The following SYNE2 variants were observed in gnomAD, a reference collection of about 807,000 sequenced individuals.
SYNE2 encodes the protein nesprin-2.
SYNE2 carries 431 observed loss-of-function variants against 856.3 expected under a neutral mutation model. That is an observed-to-expected ratio of 0.50 (90% CI 0.47 to 0.55). The LOEUF is 0.55. SYNE2 is among the 20% of genes least tolerant of loss of function. The pLI, the probability that SYNE2 is intolerant of heterozygous loss-of-function variation, is 0.00. For missense variants in SYNE2, 8,129 were observed against 8,023.2 expected (o/e 1.01, Z -0.50); for synonymous variants, 2,923 against 2,872.3 (o/e 1.02, Z -0.56).
chr14:64,188,404 C>A, intron 97 of SYNE2, 146 bp from the exon 98 acceptor site: 1 of 806,300 alleles, frequency 1.2e-6, no homozygotes, highest in Non-Finnish European at 2.1e-6. Context: ...GATGCTAAAC[C>A]CTAGGTTTAG....
chr14:64,178,983 G>A (rs959947556), intron 96 of SYNE2, among the ~76,000 whole-genome samples: 3 of 152,010 alleles, frequency 2.0e-5, no homozygotes, highest in African/African-American at 7.3e-5. Context: ...AGGCTGAGGT[G>A]GGAGGATCCT....
rs2096028868 is a variant in SYNE2, at chr14:63,946,450, A to G, written c.409-3375A>G. ...CTCCAAAAAACATACACATACACATATATACTGGAGATATAGATATAGATA... is the reference window on the plus strand; with the variant it reads ...CTCCAAAAAACATACACATACACATGTATACTGGAGATATAGATATAGATA... On this transcript the variant is annotated intron_variant, in intron 6 of 115. Coordinates refer to ENST00000555002, the MANE Select transcript of SYNE2 (RefSeq NM_182914.3). Among the ~76,000 whole-genome samples, 3 of 151,296 alleles carry G rather than the reference A, an allele frequency of 2.0e-5. No individual in the cohort carries two copies. In the Admixed American group the frequency reaches 2.0e-4, roughly 10 times the overall value.
Position 64,216,322 on chromosome 14 carries a change from A to G in SYNE2, c.19477A>G (p.Met6493Val), listed in dbSNP as rs773858058. The stretch of plus-strand genomic sequence containing the variant: ...CTGTCCCGAGCATCACTACAAGCAA[A>G]TGGAAGGTGACAGGAATGTTCCACC... ...PSCPEHHYKQ[M>V]EGDRNVPPVP... The change falls in exon 108 of 116, where the codon ATG becomes GTG. Residue 6493 changes from methionine (M) to valine (V), a missense_variant. By Grantham distance (21) the Met-to-Val change is conservative (BLOSUM62 1). This residue lies in a region of SYNE2 where 5,410 missense variants were observed against 5,284.8 expected (regional missense o/e 1.02). Coordinates refer to ENST00000555002, the MANE Select transcript of SYNE2 (RefSeq NM_182914.3). The G allele has an allele frequency of 2.5e-6, 4 of 1,614,154 alleles. No individual in the cohort carries two copies. The South Asian group carries it at 4.4e-5, about 18-fold the overall frequency.
chr14:63,823,989 T>C (rs114084328), intron 1 of SYNE2, among the ~76,000 whole-genome samples: 1 of 152,158 alleles, frequency 6.6e-6, no homozygotes, highest in African/African-American at 2.4e-5. Context: ...TAAGACCTAC[T>C]ATTTGCTAGC....
intron 21 of SYNE2, among the ~76,000 whole-genome samples, chr14:63,993,220 T>A (rs1026585722): frequency 6.6e-6 from 1 of 152,028 alleles, no homozygotes; most frequent in Non-Finnish European, 1.5e-5. Flanking sequence ...ATAGTTAACC[T>A]TTCTATAAAT....
intron 1 of SYNE2, among the ~76,000 whole-genome samples, chr14:63,772,997 C>T (rs566393245): frequency 2.6e-5 from 4 of 151,816 alleles, no homozygotes; most frequent in Admixed American, 1.3e-4. Context: ...AGGCTGGTCT[C>T]GAACTCCTGA....
chr14:64,080,570 A>G lies in SYNE2; in HGVS notation c.11278A>G (p.Met3760Val), dbSNP rs1456639932. Residue 3760 changes from methionine to valine, a missense_variant, in exon 56 of 116, where the codon ATG (methionine) becomes GTG (valine). Coordinates refer to ENST00000555002, the MANE Select transcript of SYNE2 (RefSeq NM_182914.3). ...GGCTCAAGAATGGATGGATAACTTG[A>G]TGATTCCTTTCCAGCAGTATCAGCA... ...GQAQEWMDNL[M>V]IPFQQYQQVS... is the part of the protein sequence containing the mutation. 1 of 1,614,096 alleles carries G rather than the reference A, an allele frequency of 6.2e-7. No homozygotes were observed. Among genetic ancestry groups the G allele is most frequent in the Admixed American group, 1.7e-5 (1 of 60,004 alleles).
At chr14:63,971,493 C>A (rs918675971) in intron 11 of SYNE2, among the ~76,000 whole-genome samples, 1 of 151,838 alleles carries the variant, frequency 6.6e-6, no homozygotes, top group Non-Finnish European at 1.5e-5. Flanking sequence ...TGATCCATCT[C>A]CCATTATTTA....
intron 76 of SYNE2, among the ~76,000 whole-genome samples, chr14:64,130,875 C>T (rs1386699663): frequency 7.0e-6 from 1 of 143,750 alleles, no homozygotes; most frequent in Non-Finnish European, 1.5e-5. Context: ...CACAGCAAGA[C>T]TCTATCTCAA....
At chr14:64,101,613 G>A (rs565652481) in intron 63 of SYNE2, among the ~76,000 whole-genome samples, 1 of 152,166 alleles carries the variant, frequency 6.6e-6, no homozygotes, top group South Asian at 2.1e-4. Flanking sequence ...TGGCCTCAAA[G>A]ATACCATTTA....
intron 1 of SYNE2, among the ~76,000 whole-genome samples, chr14:63,811,059 T>C (rs1333899681): frequency 6.6e-6 from 1 of 152,058 alleles, no homozygotes; most frequent in Non-Finnish European, 1.5e-5. Context: ...ATGTTCTTGA[T>C]CTCCTGACCT....
chr14:64,185,733 C>G (rs888017618), intron 96 of SYNE2, among the ~76,000 whole-genome samples: 2 of 152,066 alleles, frequency 1.3e-5, no homozygotes, highest in Non-Finnish European at 2.9e-5. Flanking sequence ...GTTGGCCAGG[C>G]TGGTCTTGAA....
At chr14:63,786,511 G>A (rs2139753835) in intron 1 of SYNE2, among the ~76,000 whole-genome samples, 1 of 152,234 alleles carries the variant, frequency 6.6e-6, no homozygotes, top group Non-Finnish European at 1.5e-5. Context: ...TTGTTTTGAT[G>A]TTTACTGCCA....
chr14:63,963,439 G>A (rs1176961710), intron 9 of SYNE2, among the ~76,000 whole-genome samples: 3 of 152,142 alleles, frequency 2.0e-5, no homozygotes, highest in Non-Finnish European at 4.4e-5. Flanking sequence ...AAGAATCTAC[G>A]GAAAAAGTAA....
At chr14:64,184,029 T>G (rs2153743362) in intron 96 of SYNE2, among the ~76,000 whole-genome samples, 1 of 151,976 alleles carries the variant, frequency 6.6e-6, no homozygotes. Flanking sequence ...ACAGGCATGA[T>G]TGTTGACATT....
At chr14:63,847,672 G>A (rs1368424160) in intron 1 of SYNE2, among the ~76,000 whole-genome samples, 2 of 148,298 alleles carry the variant, frequency 1.3e-5, no homozygotes, top group African/African-American at 5.0e-5. Context: ...AGCAACCTCT[G>A]CCTCCTGGGT....
upstream of SYNE2, among the ~76,000 whole-genome samples, chr14:63,848,585 G>A (rs929443708): frequency 6.6e-6 from 1 of 152,154 alleles, no homozygotes. Flanking sequence ...ATTTATTTCT[G>A]TTAAAAACAT....
chr14:64,094,313 G>T (rs2097657954), intron 61 of SYNE2, among the ~76,000 whole-genome samples: 1 of 151,692 alleles, frequency 6.6e-6, no homozygotes, highest in Non-Finnish European at 1.5e-5. Context: ...CAGCCTGGGT[G>T]ACAGAGTGAG....
chr14:63,928,736 T>C (rs984969440), intron 2 of SYNE2, among the ~76,000 whole-genome samples: 5 of 152,234 alleles, frequency 3.3e-5, no homozygotes, highest in African/African-American at 7.2e-5. Flanking sequence ...TTTTTAGTTC[T>C]CTTTCTGTCA....
Sources: allele counts gnomAD v4.1 joint callset (sites outside exome capture counted in the v4.1 genomes callset), GRCh38; gene constraint gnomAD v4.1.1; regional missense constraint gnomAD v4.1.1; transcripts MANE v1.5; gene names NCBI Gene and HGNC (gene_info 2026-07-23, HGNC 2026-07-21).